Variants in IL16 observed in about 807,000 individuals in gnomAD.
The protein encoded by IL16 is interleukin 16, also known as pro-interleukin-16.
A neutral mutation model predicts 110.1 loss-of-function variants in IL16; 67 were observed. The ratio of observed to expected loss-of-function variants is 0.61; its 90% confidence interval spans 0.50 to 0.75. The LOEUF (loss-of-function observed/expected upper bound fraction) is 0.75, where lower values mean the gene tolerates loss of function less well. Ranked by LOEUF, IL16 falls within the 30% of genes least tolerant of loss-of-function variation. The probability of loss-of-function intolerance (pLI) is 0.00; values close to 1 mark genes in which losing one functional copy is unlikely to be tolerated. For missense variants in IL16, 1,545 were observed against 1,655.0 expected (o/e 0.93, Z 1.15); for synonymous variants, 689 against 662.9 (o/e 1.04, Z -0.61).
intron 1 of IL16, among the ~76,000 whole-genome samples, chr15:81,213,202 A>G (rs1406300827): frequency 6.6e-6 from 1 of 152,080 alleles, no homozygotes. Flanking sequence ...GTTTTGAGAA[A>G]GCTTCTTGAT....
chr15:81,194,816 C>A (rs1213479608), upstream of IL16, among the ~76,000 whole-genome samples: 5 of 152,106 alleles, frequency 3.3e-5, no homozygotes, highest in African/African-American at 1.2e-4. Context: ...TTTCATCTGG[C>A]AGACAATTAA....
chr15:81,296,685 G>A (rs978619992), intron 12 of IL16, among the ~76,000 whole-genome samples: 2 of 152,228 alleles, frequency 1.3e-5, no homozygotes, highest in East Asian at 1.9e-4. Flanking sequence ...TATGTCAACA[G>A]TATGAGCCCA....
intron 16 of IL16, among the ~76,000 whole-genome samples, chr15:81,305,125 C>T (rs935717349): frequency 5.3e-5 from 8 of 152,228 alleles, no homozygotes; most frequent in South Asian, 2.1e-4. Context: ...CAAATGAGAC[C>T]GAGAATTTCT....
At chr15:81,200,237 ATATT>A (rs147297511) in intron 1 of IL16, among the ~76,000 whole-genome samples, 1,750 of 151,834 alleles carry the variant, frequency 0.012, 46 homozygotes, top group African/African-American at 0.04. Context: ...TTAGTTATAT[ATATT>A]TATTTATTTA....
chr15:81,255,510 T>A (rs530668156), intron 2 of IL16, among the ~76,000 whole-genome samples: 1 of 152,330 alleles, frequency 6.6e-6, no homozygotes, highest in East Asian at 1.9e-4. Context: ...TACAGACTTG[T>A]GAAGGAAGGA....
chr15:81,304,041 T>C (rs1408459570), intron 16 of IL16, among the ~76,000 whole-genome samples: 1 of 152,202 alleles, frequency 6.6e-6, no homozygotes, highest in African/African-American at 2.4e-5. Flanking sequence ...GTATCCTTTG[T>C]GTAGGCTGTG....
intron 3 of IL16, among the ~76,000 whole-genome samples, chr15:81,261,872 C>G (rs1056027756): frequency 6.6e-6 from 1 of 152,096 alleles, no homozygotes; most frequent in Non-Finnish European, 1.5e-5. Flanking sequence ...AGTTTGAGAT[C>G]AGCCTGGACA....
chr15:81,233,370 TG>T (rs1259617820), intron 2 of IL16, among the ~76,000 whole-genome samples: 1 of 152,036 alleles, frequency 6.6e-6, no homozygotes, highest in Non-Finnish European at 1.5e-5. Flanking sequence ...GATGTGCGTG[TG>T]TGTATACTTG....
intron 9 of IL16, among the ~76,000 whole-genome samples, chr15:81,283,356 AACCCC>A: frequency 6.7e-6 from 1 of 148,856 alleles, no homozygotes; most frequent in Non-Finnish European, 1.5e-5. Context: ...TCAAAAAAAA[AACCCC>A]AAAAACCAAA....
chr15:81,232,039 C>CTTTTTTTTTTTT (rs1555415624), intron 2 of IL16, among the ~76,000 whole-genome samples: 1 of 46,888 alleles, frequency 2.1e-5, no homozygotes. Context: ...CACATTTGTT[C>CTTTTTTTTTTTT]TTGTTTTTTT....
chr15:81,279,458 A>G (rs1235113988), intron 7 of IL16, 100 bp from the exon 8 acceptor site: 4 of 739,762 alleles, frequency 5.4e-6, no homozygotes, highest in Non-Finnish European at 8.8e-6. Context: ...TTTATATTTC[A>G]TACACATACA....
upstream of IL16, among the ~76,000 whole-genome samples, chr15:81,194,273 TA>T (rs1289437745): frequency 1.3e-5 from 2 of 152,218 alleles, no homozygotes; most frequent in African/African-American, 4.8e-5. Context: ...CTAAGCTCTT[TA>T]TTTTGCCATT....
At chr15:81,295,956 G>A (rs893788105) in intron 12 of IL16, among the ~76,000 whole-genome samples, 3 of 152,162 alleles carry the variant, frequency 2.0e-5, no homozygotes, top group Non-Finnish European at 2.9e-5. Flanking sequence ...TGAACCGGAC[G>A]TGGAGGCCAC....
At chr15:81,248,835 C>T (rs573336488) in intron 2 of IL16, among the ~76,000 whole-genome samples, 2 of 151,510 alleles carry the variant, frequency 1.3e-5, no homozygotes, top group South Asian at 4.2e-4. Flanking sequence ...GTTCTCCTGC[C>T]TCAGCCTCCC....
chr15:81,275,362 G>A (rs1288554901), intron 6 of IL16, among the ~76,000 whole-genome samples: 2 of 102,512 alleles, frequency 2.0e-5, no homozygotes, highest in East Asian at 2.9e-4. Flanking sequence ...GGGGAGGAGG[G>A]GGGGGAGGGG....
At chr15:81,275,759 C>A (rs1165201709) in intron 6 of IL16, among the ~76,000 whole-genome samples, 1 of 152,184 alleles carries the variant, frequency 6.6e-6, no homozygotes, top group Non-Finnish European at 1.5e-5. Flanking sequence ...TTGACCAAAT[C>A]ATCTTTTGTA....
chr15:81,264,146 C>A (rs1039422224), intron 3 of IL16, among the ~76,000 whole-genome samples: 1 of 152,140 alleles, frequency 6.6e-6, no homozygotes, highest in Non-Finnish European at 1.5e-5. Flanking sequence ...TCTCCTCTCA[C>A]CCCCCTTTCT....
chr15:81,215,746 A>ACCCCT (rs990161488), intron 1 of IL16, among the ~76,000 whole-genome samples: 2 of 152,112 alleles, frequency 1.3e-5, no homozygotes, highest in African/African-American at 4.8e-5. Context: ...CATTTGTCTC[A>ACCCCT]CCCCTTGCCA....
intron 12 of IL16, among the ~76,000 whole-genome samples, chr15:81,296,230 A>C (rs1314122888): frequency 6.6e-6 from 1 of 152,192 alleles, no homozygotes; most frequent in Non-Finnish European, 1.5e-5. Context: ...CAGTACCTTA[A>C]GCACACTGTG....
Sources: allele counts gnomAD v4.1 joint callset (sites outside exome capture counted in the v4.1 genomes callset), GRCh38; gene constraint gnomAD v4.1.1; transcripts MANE v1.5; gene names NCBI Gene and HGNC (gene_info 2026-07-23, HGNC 2026-07-21).